Variants in MAP3K14 observed in about 807,000 individuals in gnomAD.
The protein encoded by MAP3K14 is NF-kappa-beta-inducing kinase.
MAP3K14 carries 16 observed loss-of-function variants against 99.2 expected under a neutral mutation model. The observed-to-expected ratio is 0.16, with a 90% confidence interval of 0.11 to 0.24. The LOEUF (loss-of-function observed/expected upper bound fraction) is 0.24, where lower values mean the gene tolerates loss of function less well. MAP3K14 is among the 10% of genes least tolerant of loss of function. MAP3K14 has a pLI of 1.00. For synonymous variants in MAP3K14, 462 were observed against 492.4 expected, an observed-to-expected ratio of 0.94 and a Z score of 0.82; for missense variants, 784 against 1,208.7, an observed-to-expected ratio of 0.65 and a Z score of 5.21.
chr17:45,267,827 G>A lies in MAP3K14; in HGVS notation c.1973-68C>T, dbSNP rs554514736. 7.2e-6 allele frequency: 10 copies of A among 1,387,508 alleles called. No individual in the cohort carries two copies. The highest frequency in any genetic ancestry group is 2.0e-5 in the Admixed American group (1 of 49,888). 85.9% of individuals were successfully genotyped at this position (1,387,508 alleles called of 1,614,324 possible). On this transcript the variant is annotated intron_variant, in intron 11 of 15. Transcript: ENST00000344686. The surrounding 1 kb of genome is among the most constrained non-coding windows in gnomAD (Gnocchi z 5.1). ...CACAGACAGCGGTCCAGGCAGGAGC[G>A]GCCTCTCCTGAGTGCAGAAGGGCTA...
chr17:45,291,391 G>C (rs1762787674), intron 1 of MAP3K14, among the ~76,000 whole-genome samples: 1 of 152,190 alleles, frequency 6.6e-6, no homozygotes, highest in South Asian at 2.1e-4. Flanking sequence ...GCGTCTGTTT[G>C]TGGCTCTCCA....
intron 6 of MAP3K14, among the ~76,000 whole-genome samples, chr17:45,277,424 T>G (rs767825897): frequency 3.9e-5 from 6 of 152,168 alleles, no homozygotes; most frequent in Non-Finnish European, 8.8e-5. Flanking sequence ...CTTCACAGAC[T>G]TGCTGACTTG....
At chr17:45,310,556 G>A (rs1049518225) in intron 1 of MAP3K14, among the ~76,000 whole-genome samples, 3 of 152,140 alleles carry the variant, frequency 2.0e-5, no homozygotes, top group African/African-American at 7.2e-5. Context: ...ATGACATCAT[G>A]ACATCATGCT....
intron 13 of MAP3K14, 92 bp from the exon 14 acceptor site, chr17:45,266,773 C>A: frequency 7.2e-7 from 1 of 1,385,984 alleles, no homozygotes; most frequent in South Asian, 1.3e-5. Context: ...GGGCACTGCT[C>A]ATGCCCTCAG....
intron 1 of MAP3K14, among the ~76,000 whole-genome samples, chr17:45,309,149 A>C (rs1320010226): frequency 6.6e-6 from 1 of 152,158 alleles, no homozygotes; most frequent in East Asian, 1.9e-4. Context: ...GACTGTCCCT[A>C]CGCTTCTGAA....
intron 1 of MAP3K14, among the ~76,000 whole-genome samples, chr17:45,315,190 C>G (rs1301448068): frequency 6.6e-6 from 1 of 151,838 alleles, no homozygotes; most frequent in Non-Finnish European, 1.5e-5. Context: ...CGAAACAGCC[C>G]AACCAGACAT....
At chr17:45,288,577 C>G (rs2044286488) in intron 3 of MAP3K14, among the ~76,000 whole-genome samples, 1 of 152,038 alleles carries the variant, frequency 6.6e-6, no homozygotes, top group South Asian at 2.1e-4. Context: ...GGGGTTTCAC[C>G]ATGTTGGCCA....
chr17:45,287,458 G>A lies in MAP3K14; in HGVS notation c.327-94C>T, dbSNP rs1375172082. The A allele has an allele frequency of 3.8e-6, 4 of 1,065,442 alleles. No homozygotes were observed. In the Admixed American group the frequency reaches 9.1e-5, roughly 24 times the overall value. The allele number at this position is 1,065,442 out of a possible 1,614,324, so 66.0% of individuals were successfully genotyped here. A position where few individuals can be genotyped will look rare whatever the true frequency, so the allele number is the denominator to read the frequency against. On this transcript the variant is annotated intron_variant, in intron 3 of 15. Coordinates refer to ENST00000344686, the MANE Select transcript of MAP3K14 (RefSeq NM_003954.5). ...TGTATCTGGACTCCTGCAGATCCAAGGTCAAATCCCAGGTTGCCATTCCTT... is the reference window on the plus strand; with the variant it reads ...TGTATCTGGACTCCTGCAGATCCAAAGTCAAATCCCAGGTTGCCATTCCTT...
In MAP3K14 at chr17:45,286,737, G is replaced by C; in HGVS notation, c.846C>G (p.Ser282=). 1 of 1,610,774 alleles carries C rather than the reference G, an allele frequency of 6.2e-7. No homozygotes were observed. The highest frequency in any genetic ancestry group is 8.5e-7 in the Non-Finnish European group (1 of 1,178,506). ...CTACACAGGCCAGTTTGCCCAGGAA[G>C]GACTCCAGAGGGTGAGGTTTCCAGG... The part of the protein sequence containing the change: ...LQPWKPHPLE[S]FLGKLACVDS... Residue 282 remains serine (S), a synonymous_variant, in exon 5 of 16, where the codon TCC becomes TCG. Coordinates refer to ENST00000344686, the MANE Select transcript of MAP3K14 (RefSeq NM_003954.5). The surrounding 1 kb of genome is among the most constrained non-coding windows in gnomAD (Gnocchi z 4.1).
rs990639676 is a variant in MAP3K14, at chr17:45,299,562, GT to G, written c.-20-8798del. On this transcript the variant is annotated intron_variant, in intron 1 of 15. Transcript: ENST00000344686. The stretch of plus-strand genomic sequence containing the variant: ...TGATCCCTGGGACATAGAAACAGAT[GT>G]CTGAGGAAGGAGGAAGGGGCCTTAC... Among the ~76,000 whole-genome samples, 11 of 152,294 alleles carry G rather than the reference GT, an allele frequency of 7.2e-5. 1 individual carries two copies. Among genetic ancestry groups the G allele is most frequent in the African/African-American group, 2.4e-4 (10 of 41,536 alleles).
intron 5 of MAP3K14, among the ~76,000 whole-genome samples, chr17:45,285,338 T>C (rs2044255004): frequency 6.6e-6 from 1 of 151,632 alleles, no homozygotes; most frequent in Non-Finnish European, 1.5e-5. Context: ...TAAAAGTGGA[T>C]GGAGGGGCCA....
chr17:45,295,341 C>T (rs2044339099), intron 1 of MAP3K14, among the ~76,000 whole-genome samples: 1 of 152,030 alleles, frequency 6.6e-6, no homozygotes, highest in African/African-American at 2.4e-5. Context: ...CATTTGAACC[C>T]GCTGCCCTGG....
chr17:45,264,279 C>T lies in MAP3K14; in HGVS notation c.*357G>A, dbSNP rs553481027. 16 of 198,648 alleles carry T rather than the reference C, an allele frequency of 8.1e-5. 1 individual carries two copies. In the South Asian group the frequency reaches 1.8e-3, roughly 22 times the overall value. 12.3% of individuals were successfully genotyped at this position (198,648 alleles called of 1,614,324 possible). A position where few individuals can be genotyped will look rare whatever the true frequency, so the allele number is the denominator to read the frequency against. On this transcript the variant is annotated 3_prime_UTR_variant, in exon 16 of 16. Transcript: ENST00000344686. ...GCTCGCCCACCCCTTCTGACCCAGG[C>T]TGGAAGCTGCTCTCCCCTGTCTGCC... is the stretch of plus-strand genomic sequence containing the variant.
In MAP3K14 at chr17:45,294,521, T is replaced by C. The variant is rs60679620; in HGVS notation, c.-20-3756A>G. ...AACAGATTCTCCAAGGATCTGCCAT[T>C]CCCCAGAAGGTTCCTCTAGTCTCCC... On this transcript the variant is annotated intron_variant, in intron 1 of 15. Coordinates refer to ENST00000344686, the MANE Select transcript of MAP3K14 (RefSeq NM_003954.5). Among the ~76,000 whole-genome samples the C allele has an allele frequency of 3.2e-3, 488 of 152,312 alleles. 5 individuals carry two copies. The highest frequency in any genetic ancestry group is 0.011 in the African/African-American group (461 of 41,574).
At chr17:45,309,202 T>C (rs557747791) in intron 1 of MAP3K14, among the ~76,000 whole-genome samples, 2 of 152,344 alleles carry the variant, frequency 1.3e-5, no homozygotes, top group South Asian at 4.1e-4. Context: ...GCCCAACTGT[T>C]ACCAAGCTCC....
At chr17:45,309,672 C>G (rs930251085) in intron 1 of MAP3K14, among the ~76,000 whole-genome samples, 31 of 152,198 alleles carry the variant, frequency 2.0e-4, no homozygotes, top group African/African-American at 7.5e-4. Flanking sequence ...GAGGGAGTCA[C>G]AACTTGGTGG....
chr17:45,264,909 C>CT, intron 15 of MAP3K14, 109 bp from the exon 16 acceptor site: 1 of 1,192,122 alleles, frequency 8.4e-7, no homozygotes, highest in Admixed American at 2.3e-5. Context: ...AGGGCACTGC[C>CT]TGTCTGTCAT....
chr17:45,315,013 A>C (rs2044518212), intron 1 of MAP3K14, among the ~76,000 whole-genome samples: 1 of 143,086 alleles, frequency 7.0e-6, no homozygotes, highest in African/African-American at 3.0e-5. Context: ...GTTATCAATC[A>C]CCAAAAAAAA....
intron 6 of MAP3K14, among the ~76,000 whole-genome samples, chr17:45,283,783 A>G (rs1358694672): frequency 1.3e-5 from 2 of 152,172 alleles, no homozygotes; most frequent in African/African-American, 4.8e-5. Flanking sequence ...ACTTGAAACA[A>G]GGTATATCTC....
Sources: gnomAD v4.1 joint callset for allele counts (sites outside exome capture counted in the v4.1 genomes callset) on GRCh38, gnomAD v4.1.1 for gene constraint, Gnocchi (gnomAD v3.1) non-coding constraint, MANE v1.5 for transcripts, NCBI Gene and HGNC (gene_info 2026-07-23, HGNC 2026-07-21) for gene names.